GSTCD: variants seen among roughly 807,000 people sequenced by gnomAD.
GSTCD encodes glutathione S-transferase C-terminal domain-containing protein.
In GSTCD, 44 loss-of-function variants were observed where a neutral mutation model predicts 68.3. That is an observed-to-expected ratio of 0.64 (90% CI 0.51 to 0.83). The LOEUF (loss-of-function observed/expected upper bound fraction) is 0.83. Ranked by LOEUF, GSTCD falls within the 40% of genes least tolerant of loss-of-function variation. The pLI is 0.00. For missense variants in GSTCD, 739 were observed against 735.9 expected (o/e 1.00, Z -0.05); for synonymous variants, 273 against 255.2 (o/e 1.07, Z -0.67).
At chr4:105,835,981 G>A (rs1284061690) in intron 9 of GSTCD, among the ~76,000 whole-genome samples, 4 of 152,110 alleles carry the variant, frequency 2.6e-5, no homozygotes, top group South Asian at 4.1e-4. Flanking sequence ...GCTCTCAGGT[G>A]GAAGGAGACC....
At chr4:105,838,201 T>G (rs1724198698) in intron 10 of GSTCD, among the ~76,000 whole-genome samples, 1 of 152,186 alleles carries the variant, frequency 6.6e-6, no homozygotes, top group African/African-American at 2.4e-5. Context: ...ATGGCAATAG[T>G]GGTAGCCACA....
At chr4:105,810,239 A>AT (rs1013478708) in intron 5 of GSTCD, among the ~76,000 whole-genome samples, 37 of 151,974 alleles carry the variant, frequency 2.4e-4, no homozygotes, top group Non-Finnish European at 3.2e-4. Context: ...TCGCCCTGGT[A>AT]TTTTTTTTCT....
At position 105,765,458 on chromosome 4, in the gene GSTCD, G is replaced by A. The variant is rs116985611; in HGVS notation, c.1240+35959G>A. Among the ~76,000 whole-genome samples, 207 of 152,308 alleles carry A rather than the reference G, an allele frequency of 1.4e-3. 1 individual carries two copies. In the East Asian group the frequency reaches 0.031, roughly 23 times the overall value. On this transcript the variant is annotated intron_variant, in intron 5 of 11. Transcript: ENST00000515279. ...AAAGTGTAACCCTTCATTTAGAGGTGCACCAGTTTCTTTCAAATCTTGAAA... is the reference window on the plus strand; with the variant it reads ...AAAGTGTAACCCTTCATTTAGAGGTACACCAGTTTCTTTCAAATCTTGAAA...
At position 105,811,979 on chromosome 4, in the gene GSTCD, G is replaced by A. The variant is rs956769386; in HGVS notation, c.1241-10975G>A. Among the ~76,000 whole-genome samples, 14 of 152,282 alleles carry A rather than the reference G, an allele frequency of 9.2e-5. 1 individual carries two copies. Among genetic ancestry groups the A allele is most frequent in the Admixed American group, 7.2e-4 (11 of 15,288 alleles). On this transcript the variant is annotated intron_variant, in intron 5 of 11. Transcript: ENST00000515279. ...TTCAGTTTTTGGACATGTTTGGCTT[G>A]AAGTCTCTGGATGGCACAGGCATAT... is the stretch of plus-strand genomic sequence containing the variant.
At chr4:105,775,237 C>T (rs1048552260) in intron 5 of GSTCD, among the ~76,000 whole-genome samples, 1 of 152,138 alleles carries the variant, frequency 6.6e-6, no homozygotes, top group African/African-American at 2.4e-5. Context: ...ACTGGTTATT[C>T]TATTAGCAAT....
chr4:105,789,340 G>A (rs1016240024), intron 5 of GSTCD, among the ~76,000 whole-genome samples: 2 of 152,060 alleles, frequency 1.3e-5, no homozygotes, highest in African/African-American at 4.8e-5. Context: ...GCAATCCTGG[G>A]ATGGCTTAGG....
At chr4:105,747,630 C>T (rs1042613878) in intron 5 of GSTCD, among the ~76,000 whole-genome samples, 1 of 152,056 alleles carries the variant, frequency 6.6e-6, no homozygotes, top group Admixed American at 6.6e-5. Flanking sequence ...TATATAAGAG[C>T]TTGTGCATAT....
chr4:105,762,484 T>C (rs1027062068), intron 5 of GSTCD, among the ~76,000 whole-genome samples: 3 of 152,238 alleles, frequency 2.0e-5, no homozygotes, highest in Non-Finnish European at 2.9e-5. Context: ...TGCAGTTTTG[T>C]ACCTGACCTG....
At chr4:105,814,692 T>C (rs1722900641) in intron 5 of GSTCD, among the ~76,000 whole-genome samples, 1 of 152,134 alleles carries the variant, frequency 6.6e-6, no homozygotes, top group South Asian at 2.1e-4. Context: ...ATTAGACCTA[T>C]GCGGATATCA....
chr4:105,731,032 G>C (rs1733220234), intron 5 of GSTCD, among the ~76,000 whole-genome samples: 1 of 152,186 alleles, frequency 6.6e-6, no homozygotes, highest in African/African-American at 2.4e-5. Flanking sequence ...TCAAAGATCA[G>C]ATGGTTGTAG....
chr4:105,793,619 A>G (rs1236950718), intron 5 of GSTCD, among the ~76,000 whole-genome samples: 1 of 151,988 alleles, frequency 6.6e-6, no homozygotes, highest in Admixed American at 6.5e-5. Flanking sequence ...CTATATTTTT[A>G]CATGCATTAT....
intron 5 of GSTCD, among the ~76,000 whole-genome samples, chr4:105,730,904 T>G (rs1027695853): frequency 6.6e-6 from 1 of 152,204 alleles, no homozygotes; most frequent in Non-Finnish European, 1.5e-5. Context: ...CAATCCATCT[T>G]GAATAATTTT....
At position 105,726,771 on chromosome 4, in the gene GSTCD, GAAGAGC is replaced by G. The variant is rs1279704693; in HGVS notation, c.1090_1095del (p.Glu364_Gln365del). ...AAACTTATGTGAAGTCCCAGGTGTA[GAAGAGC>G]AAAGCGATCCTTTATTTATAGGAGG... On this transcript the variant is annotated inframe_deletion, in exon 4 of 12. Coordinates refer to ENST00000515279, the MANE Select transcript of GSTCD (RefSeq NM_001370181.1). 1.6e-5 allele frequency: 26 copies of G among 1,613,766 alleles called. No homozygotes were observed. The highest frequency in any genetic ancestry group is 6.7e-5 in the African/African-American group (5 of 74,904).
At position 105,726,570 on chromosome 4, in the gene GSTCD, C is replaced by T. The variant is rs1733042268; in HGVS notation, c.895-9C>T. On this transcript the variant is annotated splice_polypyrimidine_tract_variant and intron_variant, in intron 3 of 11. Transcript: ENST00000515279. ...ATATAATAATGTGTTTTATTATTTT[C>T]CTACCTAGGTAATTATCAGCAGGAA... is the stretch of plus-strand genomic sequence containing the variant. 6.5e-7 allele frequency: 1 copy of T among 1,529,348 alleles called. No homozygotes were observed. Among genetic ancestry groups the T allele is most frequent in the South Asian group, 1.2e-5 (1 of 83,090 alleles). 94.7% of individuals were successfully genotyped at this position (1,529,348 alleles called of 1,614,324 possible). A position where few individuals can be genotyped will look rare whatever the true frequency, so the allele number is the denominator to read the frequency against.
chr4:105,820,455 G>T (rs1393996753), intron 5 of GSTCD: 1 of 151,722 alleles, frequency 6.6e-6, no homozygotes, highest in Non-Finnish European at 1.5e-5. Context: ...TGTAAATATT[G>T]TCTCAGGCAC....
Position 105,784,971 on chromosome 4 carries a change from A to C in GSTCD, c.1241-37983A>C, listed in dbSNP as rs539654037. 1.1e-3 allele frequency among the ~76,000 whole-genome samples: 174 copies of C among 152,196 alleles called. 1 individual carries two copies. The highest frequency in any genetic ancestry group is 1.9e-3 in the South Asian group (9 of 4,806). ...CGCTGAAAGTAGCCTTTATTCCAAGATCTGGATGTACAGTGTAATAATAGC... is the reference window on the plus strand; with the variant it reads ...CGCTGAAAGTAGCCTTTATTCCAAGCTCTGGATGTACAGTGTAATAATAGC... On this transcript the variant is annotated intron_variant, in intron 5 of 11. Transcript: ENST00000515279.
intron 5 of GSTCD, among the ~76,000 whole-genome samples, chr4:105,788,051 GTGT>G (rs1305134528): frequency 1.3e-5 from 2 of 151,918 alleles, no homozygotes; most frequent in Non-Finnish European, 1.5e-5. Context: ...GTACAGAGTT[GTGT>G]TGTTGTTATT....
rs563739247 is a variant in GSTCD at position 105,749,757 on chromosome 4, G to A, written c.1240+20258G>A. Among the ~76,000 whole-genome samples the A allele has an allele frequency of 8.5e-5, 13 of 152,092 alleles. No homozygotes were observed. In the East Asian group the frequency reaches 2.3e-3, roughly 27 times the overall value. ...GCTTTGGGACCTAAGCAAAGAGTAG[G>A]CAATGTGTTCTTATATGTGACACCA... On this transcript the variant is annotated intron_variant, in intron 5 of 11. Coordinates refer to ENST00000515279, the MANE Select transcript of GSTCD (RefSeq NM_001370181.1).
chr4:105,782,841 T>C (rs960078412), intron 5 of GSTCD, among the ~76,000 whole-genome samples: 2 of 152,182 alleles, frequency 1.3e-5, no homozygotes, highest in African/African-American at 4.8e-5. Flanking sequence ...TTGTCTTAAT[T>C]CATATGTAGA....
Sources: allele counts gnomAD v4.1 joint callset (sites outside exome capture counted in the v4.1 genomes callset), GRCh38; gene constraint gnomAD v4.1.1; transcripts MANE v1.5; gene names NCBI Gene and HGNC (gene_info 2026-07-23, HGNC 2026-07-21).